TCF4: variants seen among roughly 807,000 people sequenced by gnomAD.
TCF4 encodes SL3-3 enhancer factor 2.
TCF4 carries 3 observed loss-of-function variants against 82.1 expected under a neutral mutation model. That is an observed-to-expected ratio of 0.04 (90% CI 0.02 to 0.09). The LOEUF is 0.09. Among genes scored for constraint, TCF4 ranks in the 10% least tolerant of loss-of-function variants. The pLI, the probability that TCF4 is intolerant of heterozygous loss-of-function variation, is 1.00. For synonymous variants in TCF4, 276 were observed against 309.6 expected (o/e 0.89, Z 1.14); for missense variants, 518 against 852.7 (o/e 0.61, Z 4.89).
At chr18:55,258,783 A>G (rs553851680) in intron 13 of TCF4, among the ~76,000 whole-genome samples, 80 of 152,252 alleles carry the variant, frequency 5.3e-4, no homozygotes, top group South Asian at 4.8e-3. Context: ...GTTACTGACA[A>G]TTGAAATCAT....
chr18:55,390,088 G>C (rs917712570), intron 6 of TCF4, among the ~76,000 whole-genome samples: 61 of 151,942 alleles, frequency 4.0e-4, no homozygotes, highest in African/African-American at 1.4e-3. Flanking sequence ...TCACAATTTG[G>C]TAATTGCCAA....
intron 13 of TCF4, among the ~76,000 whole-genome samples, chr18:55,258,497 C>T (rs1329774995): frequency 6.6e-6 from 1 of 152,110 alleles, no homozygotes; most frequent in African/African-American, 2.4e-5. Context: ...GATGGCAGAA[C>T]TGTGAGCACC....
At chr18:55,337,295 T>C (rs1254928129) in intron 8 of TCF4, among the ~76,000 whole-genome samples, 2 of 152,208 alleles carry the variant, frequency 1.3e-5, no homozygotes, top group African/African-American at 4.8e-5. Flanking sequence ...TGATATCTTA[T>C]ATAAATGGTT....
chr18:55,589,887 G>T, upstream of TCF4: 1 of 972,974 alleles, frequency 1.0e-6, no homozygotes, highest in East Asian at 9.1e-5. Flanking sequence ...ACCATAGAGT[G>T]GTAAACAGAG....
rs910605633 is a variant in TCF4 at position 55,633,971 on chromosome 18, A to C, written c.195+1732T>G. Among the ~76,000 whole-genome samples, 1 of 152,194 alleles carries C rather than the reference A, an allele frequency of 6.6e-6. No individual in the cohort carries two copies. The highest frequency in any genetic ancestry group is 2.4e-5 in the African/African-American group (1 of 41,438). ...GGAAGTTTAGGATCTAACAAAAAAC[A>C]TAATACTATAATTTAGGCTGGGCGC... is the stretch of plus-strand genomic sequence containing the variant. On this transcript the variant is annotated intron_variant, in intron 1 of 20. Transcript: ENST00000398339. The surrounding 1 kb of genome is among the most constrained non-coding windows in gnomAD (Gnocchi z 4.0).
upstream of TCF4, chr18:55,588,333 C>T (rs1443917004): frequency 5.4e-6 from 8 of 1,479,496 alleles, no homozygotes; most frequent in Non-Finnish European, 7.1e-6. Context: ...GGGGGGGCTC[C>T]GGCGGGGAGA....
At chr18:55,542,143 T>C (rs2097169856) in intron 3 of TCF4, among the ~76,000 whole-genome samples, 1 of 152,006 alleles carries the variant, frequency 6.6e-6, no homozygotes, top group African/African-American at 2.4e-5. Flanking sequence ...GATGTTATAG[T>C]ATTCTTTACT....
intron 5 of TCF4, among the ~76,000 whole-genome samples, chr18:55,410,757 C>T (rs755853268): frequency 6.6e-6 from 1 of 152,072 alleles, no homozygotes; most frequent in African/African-American, 2.4e-5. Context: ...TTCTCACTAC[C>T]GTAATCCTCT....
At chr18:55,321,943 G>A in intron 8 of TCF4, 3 of 1,367,494 alleles carry the variant, frequency 2.2e-6, no homozygotes, top group Non-Finnish European at 2.8e-6. Flanking sequence ...TTGCGCAGCG[G>A]AGCTGGAAGG....
intron 5 of TCF4, among the ~76,000 whole-genome samples, chr18:55,406,817 G>C (rs1244357127): frequency 7.9e-5 from 12 of 152,202 alleles, no homozygotes; most frequent in Non-Finnish European, 1.6e-4. Context: ...AGAGATAGCA[G>C]TGATGAACAA....
At chr18:55,429,909 G>A (rs1366430528) in intron 5 of TCF4, among the ~76,000 whole-genome samples, 1 of 151,644 alleles carries the variant, frequency 6.6e-6, no homozygotes, top group Non-Finnish European at 1.5e-5. Flanking sequence ...ATCACAGTTT[G>A]GCTTACTCAG....
intron 8 of TCF4, among the ~76,000 whole-genome samples, chr18:55,344,991 G>A (rs763377737): frequency 6.6e-6 from 1 of 152,106 alleles, no homozygotes; most frequent in Non-Finnish European, 1.5e-5. Flanking sequence ...CTTAAAGGGT[G>A]CAGGATTGGG....
At chr18:55,379,835 A>T (rs1325881393) in intron 6 of TCF4, among the ~76,000 whole-genome samples, 1 of 152,130 alleles carries the variant, frequency 6.6e-6, no homozygotes, top group Non-Finnish European at 1.5e-5. Context: ...GAATTCTAAG[A>T]TCAGGACCAG....
intron 8 of TCF4, among the ~76,000 whole-genome samples, chr18:55,310,509 C>T (rs979457109): frequency 3.9e-5 from 6 of 152,170 alleles, no homozygotes; most frequent in Admixed American, 6.5e-5. Context: ...ATCCTGCCAC[C>T]TTCCTCCACA....
At position 55,586,012 on chromosome 18, in the gene TCF4, T is replaced by A. The variant is rs953084165; in HGVS notation, c.73-660A>T. On this transcript the variant is annotated intron_variant, in intron 2 of 19. Coordinates refer to ENST00000354452, the MANE Select transcript of TCF4 (RefSeq NM_001083962.2). ...AGCCTGCAAAAAGCAAAGGAACGAATGGAGAAAGTGCAACAAGCAGAAAGG... is the reference window on the plus strand; with the variant it reads ...AGCCTGCAAAAAGCAAAGGAACGAAAGGAGAAAGTGCAACAAGCAGAAAGG... 14 of 1,353,070 alleles carry A rather than the reference T, an allele frequency of 1.0e-5. 1 individual carries two copies. Among genetic ancestry groups the A allele is most frequent in the Non-Finnish European group, 1.3e-5 (14 of 1,037,698 alleles). 83.8% of individuals were successfully genotyped at this position (1,353,070 alleles called of 1,614,324 possible). A position where few individuals can be genotyped will look rare whatever the true frequency, so the allele number is the denominator to read the frequency against.
At chr18:55,428,506 A>G (rs191065865) in intron 5 of TCF4, among the ~76,000 whole-genome samples, 1 of 152,274 alleles carries the variant, frequency 6.6e-6, no homozygotes, top group East Asian at 1.9e-4. Context: ...AGGTACCTCA[A>G]AATTAACACC....
intron 3 of TCF4, among the ~76,000 whole-genome samples, chr18:55,521,268 A>G (rs2096930944): frequency 6.6e-6 from 1 of 152,202 alleles, no homozygotes; most frequent in Non-Finnish European, 1.5e-5. Flanking sequence ...AACTTTCTTC[A>G]AACAGTTATA....
chr18:55,251,458 G>T (rs1372286512), intron 15 of TCF4, among the ~76,000 whole-genome samples: 1 of 152,096 alleles, frequency 6.6e-6, no homozygotes, highest in Non-Finnish European at 1.5e-5. Flanking sequence ...CATAACAGCC[G>T]AGGCAGAACC....
chr18:55,372,226 G>A (rs971619989), intron 6 of TCF4, among the ~76,000 whole-genome samples: 1 of 151,966 alleles, frequency 6.6e-6, no homozygotes, highest in African/African-American at 2.4e-5. Flanking sequence ...GAGTAGCTTC[G>A]GTGGAATAAC....
Sources: allele counts gnomAD v4.1 joint callset (sites outside exome capture counted in the v4.1 genomes callset), GRCh38; gene constraint gnomAD v4.1.1; non-coding constraint Gnocchi (gnomAD v3.1); transcripts MANE v1.5; gene names NCBI Gene and HGNC (gene_info 2026-07-23, HGNC 2026-07-21).